SEMA3F: variants seen among roughly 807,000 people sequenced by gnomAD.
The protein encoded by SEMA3F is semaphorin 3F, also known as semaphorin-3F.
SEMA3F carries 30 observed loss-of-function variants against 98.5 expected under a neutral mutation model. The observed-to-expected ratio is 0.30, with a 90% confidence interval of 0.23 to 0.41. The LOEUF (loss-of-function observed/expected upper bound fraction) is 0.41, where lower values mean the gene tolerates loss of function less well. SEMA3F is among the 10% of genes least tolerant of loss of function. SEMA3F has a pLI of 1.00. For missense variants in SEMA3F, 866 were observed against 1,119.3 expected (o/e 0.77, Z 3.23); for synonymous variants, 380 against 444.8 (o/e 0.85, Z 1.83).
At position 50,182,462 on chromosome 3, in the gene SEMA3F, C is replaced by T. The variant is rs900290773; in HGVS notation, c.763+59C>T. On this transcript the variant is annotated intron_variant, in intron 8 of 18. Transcript: ENST00000002829. This position sits in a 1 kb window ranked among gnomAD's most constrained non-coding sequence, Gnocchi z 4.5. Reference sequence around the variant, plus strand: ...TGTGTCTGGGATGCGGCAAGGAGGTCGTAAAGAAGCACATGTGGGGGAAGT... The same window carrying T: ...TGTGTCTGGGATGCGGCAAGGAGGTTGTAAAGAAGCACATGTGGGGGAAGT... 7.5e-6 allele frequency: 12 copies of T among 1,606,258 alleles called. No homozygotes were observed. The highest frequency in any genetic ancestry group is 3.3e-5 in the Admixed American group (2 of 59,960).
chr3:50,188,176 T>TATAG lies in SEMA3F; in HGVS notation c.*64_*65insGATA. On this transcript the variant is annotated 3_prime_UTR_variant, in exon 19 of 19. Transcript: ENST00000002829. The surrounding 1 kb of genome is among the most constrained non-coding windows in gnomAD (Gnocchi z 4.5). The stretch of plus-strand genomic sequence containing the variant: ...CCCTTGTCCCTTTTAATATAAAAGA[T>TATAG]ATATATATATATATATATATATAAA... 1 of 326,710 alleles carries TATAG rather than the reference T, an allele frequency of 3.1e-6. No homozygotes were observed. The allele number at this position is 326,710 out of a possible 1,614,324, so 20.2% of individuals were successfully genotyped here. A position where few individuals can be genotyped will look rare whatever the true frequency, so the allele number is the denominator to read the frequency against.
At position 50,188,108 on chromosome 3, in the gene SEMA3F, A is replaced by G; in HGVS notation, c.2351A>G (p.Asp784Gly). 6.6e-7 allele frequency: 1 copy of G among 1,516,890 alleles called. No individual in the cohort carries two copies. The highest frequency in any genetic ancestry group is 8.8e-7 in the Non-Finnish European group (1 of 1,133,648). 94.0% of individuals were successfully genotyped at this position (1,516,890 alleles called of 1,614,324 possible). Residue 784 changes from aspartate to glycine, a missense_variant, in exon 19 of 19, where the codon GAC becomes GGC. This residue lies in a region of SEMA3F where 245 missense variants were observed against 260.5 expected (regional missense o/e 0.94). Coordinates refer to ENST00000002829, the MANE Select transcript of SEMA3F (RefSeq NM_004186.5). The surrounding 1 kb of genome is among the most constrained non-coding windows in gnomAD (Gnocchi z 4.5). ...CGGAACCGCCGGCACCACCCTCCGGACACATGAGGCCAGCTGCCTGTGCCT... is the reference window on the plus strand; with the variant it reads ...CGGAACCGCCGGCACCACCCTCCGGGCACATGAGGCCAGCTGCCTGTGCCT... ...KPRNRRHHPP[D>G]T
At position 50,158,295 on chromosome 3, in the gene SEMA3F, C is replaced by T. The variant is rs535916647; in HGVS notation, c.-48-1280C>T. ...GACCATGAGCGGTGTGCCAGGCCCT[C>T]GGGAGAGAACATTCACACAGAGGGT... is the stretch of plus-strand genomic sequence containing the variant. On this transcript the variant is annotated intron_variant, in intron 1 of 18. Transcript: ENST00000002829. This position sits in a 1 kb window ranked among gnomAD's most constrained non-coding sequence, Gnocchi z 4.8. 2.0e-5 allele frequency among the ~76,000 whole-genome samples: 3 copies of T among 152,330 alleles called. No individual in the cohort carries two copies. Among genetic ancestry groups the T allele is most frequent in the African/African-American group, 4.8e-5 (2 of 41,572 alleles).
chr3:50,179,328 CTT>C (rs112950022), intron 7 of SEMA3F, among the ~76,000 whole-genome samples: 23 of 137,448 alleles, frequency 1.7e-4, no homozygotes, highest in Non-Finnish European at 1.3e-4. Flanking sequence ...TTCTTTCTTT[CTT>C]TTTTTTTTTT....
At chr3:50,183,599 T>G (rs1335545668) in intron 12 of SEMA3F, 35 bp downstream of exon 12, 2 of 1,607,400 alleles carry the variant, frequency 1.2e-6, no homozygotes, top group South Asian at 2.2e-5. Flanking sequence ...CTCCCCTTTC[T>G]CTTCTTCTAA....
chr3:50,184,415 T>C, intron 12 of SEMA3F, 177 bp from the exon 13 acceptor site: 6 of 603,882 alleles, frequency 9.9e-6, no homozygotes, highest in Non-Finnish European at 1.8e-5. Context: ...CCTGGGACCT[T>C]GGCCAGAGCA....
In SEMA3F at chr3:50,188,172, A is replaced by AATATAT. The variant is rs1553695459; in HGVS notation, c.*58_*59insTATATA. ...CTAGCCCTTGTCCCTTTTAATATAA[A>AATATAT]AGATATATATATATATATATATATA... is the stretch of plus-strand genomic sequence containing the variant. On this transcript the variant is annotated 3_prime_UTR_variant, in exon 19 of 19. Transcript: ENST00000002829. This position sits in a 1 kb window ranked among gnomAD's most constrained non-coding sequence, Gnocchi z 4.5. 1.7e-5 allele frequency: 7 copies of AATATAT among 416,076 alleles called. No individual in the cohort carries two copies. In the East Asian group the frequency reaches 3.4e-4, roughly 20 times the overall value. The allele number at this position is 416,076 out of a possible 1,614,324, so 25.8% of individuals were successfully genotyped here. A position where few individuals can be genotyped will look rare whatever the true frequency, so the allele number is the denominator to read the frequency against.
chr3:50,174,123 G>T lies in SEMA3F; in HGVS notation c.336+9G>T. 1 of 1,614,122 alleles carries T rather than the reference G, an allele frequency of 6.2e-7. No homozygotes were observed. Among genetic ancestry groups the T allele is most frequent in the South Asian group, 1.1e-5 (1 of 91,090 alleles). ...CAGGCAAGGATGTCAACGTGAGTTTGGTGGGATCCACAGGTGGGAAGGGGG... is the reference window on the plus strand; with the variant it reads ...CAGGCAAGGATGTCAACGTGAGTTTTGTGGGATCCACAGGTGGGAAGGGGG... On this transcript the variant is annotated intron_variant, in intron 4 of 18. Coordinates refer to ENST00000002829, the MANE Select transcript of SEMA3F (RefSeq NM_004186.5).
intron 2 of SEMA3F, among the ~76,000 whole-genome samples, chr3:50,160,980 C>A (rs1480483968): frequency 6.6e-6 from 1 of 152,178 alleles, no homozygotes; most frequent in African/African-American, 2.4e-5. Context: ...GGAAAGCACC[C>A]CCCTTCCCCG....
At chr3:50,177,623 A>G (rs573290797) in intron 7 of SEMA3F, among the ~76,000 whole-genome samples, 1 of 152,372 alleles carries the variant, frequency 6.6e-6, no homozygotes, top group Non-Finnish European at 1.5e-5. Flanking sequence ...TCTGATGAGG[A>G]AAGACAGGGC....
intron 2 of SEMA3F, among the ~76,000 whole-genome samples, chr3:50,161,140 C>T (rs919526903): frequency 1.6e-4 from 24 of 152,288 alleles, no homozygotes; most frequent in South Asian, 8.3e-4. Flanking sequence ...AGTGTCTCCT[C>T]CCCCGATAGT....
chr3:50,172,214 A>G (rs1360202380), intron 2 of SEMA3F, among the ~76,000 whole-genome samples: 2 of 152,186 alleles, frequency 1.3e-5, no homozygotes, highest in Non-Finnish European at 2.9e-5. Flanking sequence ...CATGTGTGGT[A>G]GGACATGTGT....
At position 50,158,293 on chromosome 3, in the gene SEMA3F, C is replaced by G. The variant is rs1698074292; in HGVS notation, c.-48-1282C>G. 6.6e-6 allele frequency among the ~76,000 whole-genome samples: 1 copy of G among 152,232 alleles called. No individual in the cohort carries two copies. The highest frequency in any genetic ancestry group is 2.4e-5 in the African/African-American group (1 of 41,466). On this transcript the variant is annotated intron_variant, in intron 1 of 18. Transcript: ENST00000002829. The surrounding 1 kb of genome is among the most constrained non-coding windows in gnomAD (Gnocchi z 4.8). ...AGGACCATGAGCGGTGTGCCAGGCC[C>G]TCGGGAGAGAACATTCACACAGAGG...
rs1187269950 is a variant in SEMA3F at position 50,188,056 on chromosome 3, C to T, written c.2299C>T (p.Pro767Ser). Residue 767 changes from proline (P) to serine (S), a missense_variant, in exon 19 of 19, where the codon CCT becomes TCT. Around this residue, in one of 3 missense-constraint regions of SEMA3F, gnomAD observed 245 missense variants for 260.5 expected, o/e 0.94. Transcript: ENST00000002829. This position sits in a 1 kb window ranked among gnomAD's most constrained non-coding sequence, Gnocchi z 4.5. ...PREAPGAPRSPEPQDQKKPRN... is the reference protein window; with the variant it reads ...PREAPGAPRSSEPQDQKKPRN... ...GGAGGCTCCAGGGGCACCCCGGTCT[C>T]CTGAGCCCCAGGACCAGAAAAAGCC... The T allele has an allele frequency of 6.3e-7, 1 of 1,583,548 alleles. No homozygotes were observed. Among genetic ancestry groups the T allele is most frequent in the South Asian group, 1.1e-5 (1 of 87,694 alleles).
rs554250122 is a variant in SEMA3F, at chr3:50,174,077, G to T, written c.299G>T (p.Arg100Leu). The change falls in exon 4 of 19, where the codon CGC (arginine) becomes CTC (leucine). Residue 100 changes from arginine to leucine, a missense_variant. This residue lies in a region of SEMA3F where 247 missense variants were observed against 276.0 expected (regional missense o/e 0.89). Transcript: ENST00000002829. ...ATACACTGGGCAGCCTCCCCACAGC[G>T]CATCGAGGAATGCGTGCTCTCAGGC... Reference protein sequence around the residue: ...LIIHWAASPQRIEECVLSGKD... With the variant: ...LIIHWAASPQLIEECVLSGKD... 1.2e-6 allele frequency: 2 copies of T among 1,614,112 alleles called. No homozygotes were observed. The highest frequency in any genetic ancestry group is 8.5e-7 in the Non-Finnish European group (1 of 1,180,014).
In SEMA3F at chr3:50,182,932, T is replaced by A; in HGVS notation, c.932T>A (p.Val311Asp). Residue 311 changes from valine (V) to aspartate (D), a missense_variant, in exon 10 of 19, where the codon GTC becomes GAC. Physicochemically the swap from Val to Asp is radical, Grantham distance 152 (BLOSUM62 -3). This residue lies in a region of SEMA3F where 374 missense variants were observed against 582.8 expected (regional missense o/e 0.64). Coordinates refer to ENST00000002829, the MANE Select transcript of SEMA3F (RefSeq NM_004186.5). This position sits in a 1 kb window ranked among gnomAD's most constrained non-coding sequence, Gnocchi z 4.5. ...GATGACGGTGGTCACTGTTGCCTGG[T>A]CAACAAGTGGAGCACATTCCTGAAG... ...LNDDGGHCCL[V>D]NKWSTFLKAR... The A allele has an allele frequency of 6.2e-7, 1 of 1,613,918 alleles. No individual in the cohort carries two copies. The highest frequency in any genetic ancestry group is 8.5e-7 in the Non-Finnish European group (1 of 1,179,990).
intron 18 of SEMA3F, among the ~76,000 whole-genome samples, chr3:50,187,496 T>C (rs1035852524): frequency 2.0e-5 from 3 of 151,932 alleles, no homozygotes; most frequent in African/African-American, 7.3e-5. Flanking sequence ...AACCTCCTTA[T>C]GGTCATCACT....
chr3:50,161,809 C>T (rs1479976303), intron 2 of SEMA3F, among the ~76,000 whole-genome samples: 1 of 152,214 alleles, frequency 6.6e-6, no homozygotes, highest in African/African-American at 2.4e-5. Context: ...CCAGCACCTG[C>T]TGTGTACCAG....
rs148273155 is a variant in SEMA3F, at chr3:50,172,316, A to G, written c.113-1477A>G. On this transcript the variant is annotated intron_variant, in intron 2 of 18. Coordinates refer to ENST00000002829, the MANE Select transcript of SEMA3F (RefSeq NM_004186.5). The stretch of plus-strand genomic sequence containing the variant: ...CCCCCTGTGTGTGTGAATATTCATC[A>G]TCCTCATTACAGTGTTCCCTCTTTT... 6.8e-3 allele frequency among the ~76,000 whole-genome samples: 1,030 copies of G among 152,168 alleles called. 10 individuals are homozygous for G. The highest frequency in any genetic ancestry group is 0.015 in the Admixed American group (227 of 15,302).
Sources: allele counts gnomAD v4.1 joint callset (sites outside exome capture counted in the v4.1 genomes callset), GRCh38; gene constraint gnomAD v4.1.1; regional missense constraint gnomAD v4.1.1; non-coding constraint Gnocchi (gnomAD v3.1); transcripts MANE v1.5; gene names NCBI Gene and HGNC (gene_info 2026-07-23, HGNC 2026-07-21).